Variants in MYO3A observed in about 807,000 individuals in gnomAD.
MYO3A encodes the protein myosin-IIIa.
A neutral mutation model predicts 192.7 loss-of-function variants in MYO3A; 180 were observed. The ratio of observed to expected loss-of-function variants is 0.93; its 90% CI spans 0.83 to 1.06. The LOEUF (loss-of-function observed/expected upper bound fraction) is 1.06. Among genes scored for constraint, MYO3A ranks in the 50% least tolerant of loss-of-function variants. The pLI is 0.00. For missense variants in MYO3A, 1,896 were observed against 1,905.0 expected (o/e 1.00, Z 0.09); for synonymous variants, 628 against 645.3 (o/e 0.97, Z 0.41).
At chr10:26,060,298 TAAATTTAA>T (rs372752349) in intron 10 of MYO3A, among the ~76,000 whole-genome samples, 76 of 66,314 alleles carry the variant, frequency 1.1e-3, no homozygotes, top group East Asian at 6.4e-3. Context: ...AATAAATAAA[TAAATTTAA>T]AAAATACAAA....
intron 6 of MYO3A, among the ~76,000 whole-genome samples, chr10:26,010,455 T>G (rs918126232): frequency 1.5e-5 from 2 of 137,926 alleles, no homozygotes; most frequent in South Asian, 2.1e-4. Context: ...TAGTTGTTTT[T>G]TTTTTTTTTT....
chr10:25,951,801 CA>C (rs1234521186), intron 2 of MYO3A, among the ~76,000 whole-genome samples: 18 of 151,886 alleles, frequency 1.2e-4, no homozygotes, highest in Non-Finnish European at 2.6e-4. Flanking sequence ...AGAAGAAAAT[CA>C]AAATTATATA....
intron 4 of MYO3A, among the ~76,000 whole-genome samples, chr10:25,987,776 T>A (rs1839746828): frequency 6.6e-6 from 1 of 152,158 alleles, no homozygotes; most frequent in Non-Finnish European, 1.5e-5. Flanking sequence ...ATGGAACCAC[T>A]ATGGAAAACA....
intron 17 of MYO3A, among the ~76,000 whole-genome samples, chr10:26,100,654 C>T (rs1837382618): frequency 1.3e-5 from 2 of 152,148 alleles, no homozygotes; most frequent in Non-Finnish European, 2.9e-5. Flanking sequence ...TCGTTATGTA[C>T]CCAGTAGTCA....
intron 10 of MYO3A, among the ~76,000 whole-genome samples, chr10:26,043,292 CCCACTGTAA>C (rs1843457246): frequency 6.6e-6 from 1 of 152,132 alleles, no homozygotes; most frequent in South Asian, 2.1e-4. Context: ...TTGCCCCATG[CCCACTGTAA>C]CCACTACCTG....
chr10:26,094,025 C>G (rs896341846), intron 15 of MYO3A, among the ~76,000 whole-genome samples: 2 of 152,196 alleles, frequency 1.3e-5, no homozygotes, highest in Non-Finnish European at 1.5e-5. Context: ...TGTCTTCCTT[C>G]CTTTTGAAAT....
chr10:26,189,159 G>A (rs1269939382), intron 31 of MYO3A, among the ~76,000 whole-genome samples: 2 of 152,130 alleles, frequency 1.3e-5, no homozygotes, highest in South Asian at 2.1e-4. Context: ...TGTGAAAATG[G>A]CCATACTGCC....
At chr10:25,998,712 T>C (rs1324403703) in intron 6 of MYO3A, among the ~76,000 whole-genome samples, 3 of 152,124 alleles carry the variant, frequency 2.0e-5, no homozygotes, top group African/African-American at 4.8e-5. Flanking sequence ...ATAGATACAG[T>C]AAGTATAGCA....
At chr10:26,066,940 T>C (rs781015868) in intron 10 of MYO3A, 35 bp from the exon 11 acceptor site, 1 of 1,453,510 alleles carries the variant, frequency 6.9e-7, no homozygotes, top group African/African-American at 1.4e-5. Flanking sequence ...TGAGCAGTAA[T>C]CAATTCTTAA....
intron 6 of MYO3A, among the ~76,000 whole-genome samples, chr10:26,009,057 A>G (rs1841437753): frequency 6.6e-6 from 1 of 152,160 alleles, no homozygotes; most frequent in South Asian, 2.1e-4. Context: ...CATAAAAAGG[A>G]TGAGTTCATG....
At position 26,024,081 on chromosome 10, in the gene MYO3A, T is replaced by C; in HGVS notation, c.791T>C (p.Ile264Thr). The change falls in exon 9 of 35, where the codon ATA (isoleucine) becomes ACA (threonine). Residue 264 changes from isoleucine (I) to threonine (T), a missense_variant. Ile to Thr is a moderately conservative substitution (Grantham distance 89). Coordinates refer to ENST00000642920, the MANE Select transcript of MYO3A (RefSeq NM_017433.5). ...TGGTCAGCAGAATTCAATGACTTCA[T>C]AAGCAAGTGAGTAAAAACAGTCTTT... The part of the protein sequence containing the change: ...ELWSAEFNDF[I>T]SKCLTKDYEK... 6.2e-7 allele frequency: 1 copy of C among 1,612,502 alleles called. No individual in the cohort carries two copies. Among genetic ancestry groups the C allele is most frequent in the Non-Finnish European group, 8.5e-7 (1 of 1,178,682 alleles).
Position 26,143,496 on chromosome 10 carries a change from GAT to G in MYO3A, c.2313_2314del (p.Asp771GlufsTer20), listed in dbSNP as rs775400571. The G allele has an allele frequency of 6.2e-7, 1 of 1,613,148 alleles. No homozygotes were observed. The highest frequency in any genetic ancestry group is 8.5e-7 in the Non-Finnish European group (1 of 1,179,382). On this transcript the variant is annotated frameshift_variant, in exon 21 of 35. Transcript: ENST00000642920. LOFTEE classifies it high-confidence loss of function. ...GGATGCTAGAGTTATTGAATATGAG[GAT>G]AACTGGCCCCTCTTAGATATGTTTC... ...DVDARVIEYE[D>X]NWPLLDMFLQ...
At chr10:26,010,450 G>GTTTTTTTTTT (rs778349166) in intron 6 of MYO3A, among the ~76,000 whole-genome samples, 25 of 111,122 alleles carry the variant, frequency 2.2e-4, no homozygotes, top group Non-Finnish European at 2.8e-4. Flanking sequence ...CTAAGTAGTT[G>GTTTTTTTTTT]TTTTTTTTTT....
chr10:25,965,351 A>T (rs2130684026), intron 4 of MYO3A, among the ~76,000 whole-genome samples: 1 of 152,170 alleles, frequency 6.6e-6, no homozygotes, highest in South Asian at 2.1e-4. Flanking sequence ...AGGGCCTGGA[A>T]TGGGGGCCTC....
intron 10 of MYO3A, among the ~76,000 whole-genome samples, chr10:26,030,720 T>G (rs1842765258): frequency 1.3e-5 from 2 of 152,238 alleles, no homozygotes; most frequent in Admixed American, 1.3e-4. Flanking sequence ...ACTGAAGGTA[T>G]GTGCTTGGCA....
intron 10 of MYO3A, among the ~76,000 whole-genome samples, chr10:26,034,203 A>G (rs1400228100): frequency 6.6e-6 from 1 of 152,246 alleles, no homozygotes; most frequent in African/African-American, 2.4e-5. Context: ...TAACTTTAAA[A>G]TATGGTATTT....
rs1242129395 is a variant in MYO3A at position 25,952,288 on chromosome 10, AT to A, written c.168+16del. ...TCTTGATCCAATTCACGTAAGTCAT[AT>A]TTTTTCCTTCTAATTAGCTTTATTT... On this transcript the variant is annotated intron_variant, in intron 3 of 34. Transcript: ENST00000642920. The A allele has an allele frequency of 1.9e-6, 3 of 1,610,704 alleles. No homozygotes were observed. Among genetic ancestry groups the A allele is most frequent in the East Asian group, 4.5e-5 (2 of 44,698 alleles).
chr10:26,071,004 C>A lies in MYO3A; in HGVS notation c.1359+603C>A, dbSNP rs753179569. Among the ~76,000 whole-genome samples, 8 of 144,318 alleles carry A rather than the reference C, an allele frequency of 5.5e-5. No homozygotes were observed. The South Asian group carries it at 6.8e-4, about 12-fold the overall frequency. 94.7% of individuals were successfully genotyped at this position (144,318 alleles called of 152,430 possible). ...TTGATCTATAGATATAATGCAATTA[C>A]AATAAAAATCCAAACAGGATTTTTT... On this transcript the variant is annotated intron_variant, in intron 14 of 34. Coordinates refer to ENST00000642920, the MANE Select transcript of MYO3A (RefSeq NM_017433.5).
intron 4 of MYO3A, among the ~76,000 whole-genome samples, chr10:25,988,344 C>T (rs1008545898): frequency 1.3e-5 from 2 of 151,220 alleles, no homozygotes; most frequent in African/African-American, 4.9e-5. Context: ...ACTACCTGTT[C>T]CCTAAAAACC....
Sources: allele counts gnomAD v4.1 joint callset (sites outside exome capture counted in the v4.1 genomes callset), GRCh38; gene constraint gnomAD v4.1.1; transcripts MANE v1.5; gene names NCBI Gene and HGNC (gene_info 2026-07-23, HGNC 2026-07-21).